The following FBXL7 variants were observed in gnomAD, a reference collection of about 807,000 sequenced individuals.
FBXL7 encodes F-box/LRR-repeat protein 7.
Under a neutral mutation model 38.3 loss-of-function variants are expected in FBXL7, and 12 were observed. The observed-to-expected ratio is 0.31, with a 90% confidence interval of 0.20 to 0.51. The LOEUF (loss-of-function observed/expected upper bound fraction) is 0.51. FBXL7 is among the 20% of genes least tolerant of loss of function. The pLI, the probability that FBXL7 is intolerant of heterozygous loss-of-function variation, is 0.98. For synonymous variants in FBXL7, 297 were observed against 300.9 expected, an observed-to-expected ratio of 0.99 and a Z score of 0.13; for missense variants, 567 against 676.4, an observed-to-expected ratio of 0.84 and a Z score of 1.79.
At chr5:15,672,820 G>T (rs954133417) in intron 2 of FBXL7, among the ~76,000 whole-genome samples, 3 of 152,048 alleles carry the variant, frequency 2.0e-5, no homozygotes, top group Non-Finnish European at 4.4e-5. Flanking sequence ...CTCCCAAAGT[G>T]CTGGGATTAC....
At chr5:15,552,326 C>T (rs1387590512) in intron 1 of FBXL7, among the ~76,000 whole-genome samples, 1 of 152,212 alleles carries the variant, frequency 6.6e-6, no homozygotes, top group Non-Finnish European at 1.5e-5. Context: ...TCATACTCCT[C>T]TGTGCCAGTC....
At chr5:15,520,983 A>G (rs1051221021) in intron 1 of FBXL7, among the ~76,000 whole-genome samples, 4 of 152,214 alleles carry the variant, frequency 2.6e-5, no homozygotes, top group African/African-American at 9.6e-5. Context: ...AAGCCCAGGT[A>G]CCGAAGGCAT....
At chr5:15,613,722 C>T (rs892197337) in intron 1 of FBXL7, among the ~76,000 whole-genome samples, 2 of 152,172 alleles carry the variant, frequency 1.3e-5, no homozygotes, top group Non-Finnish European at 2.9e-5. Context: ...AGGAGTTCTA[C>T]TCTGTATGAA....
intron 2 of FBXL7, among the ~76,000 whole-genome samples, chr5:15,883,273 A>G (rs758466533): frequency 2.0e-5 from 3 of 152,176 alleles, no homozygotes; most frequent in Non-Finnish European, 4.4e-5. Flanking sequence ...AAGAATGTAC[A>G]TTTATCTTTG....
At chr5:15,740,748 A>G (rs866417151) in intron 2 of FBXL7, among the ~76,000 whole-genome samples, 1 of 152,244 alleles carries the variant, frequency 6.6e-6, no homozygotes, top group Non-Finnish European at 1.5e-5. Flanking sequence ...GAATAAAACC[A>G]ATAGAGAAGA....
chr5:15,699,188 T>G (rs1489271543), intron 2 of FBXL7, among the ~76,000 whole-genome samples: 1 of 151,964 alleles, frequency 6.6e-6, no homozygotes. Context: ...AATTGGGGGG[T>G]ATGTTCATTT....
intron 2 of FBXL7, among the ~76,000 whole-genome samples, chr5:15,750,095 A>G (rs1040164208): frequency 2.0e-5 from 3 of 152,234 alleles, no homozygotes; most frequent in Non-Finnish European, 2.9e-5. Flanking sequence ...CTGAAGAAAC[A>G]TAAGAGCCTT....
chr5:15,930,425 C>G (rs1328503586), intron 3 of FBXL7, among the ~76,000 whole-genome samples: 2 of 152,098 alleles, frequency 1.3e-5, no homozygotes, highest in Non-Finnish European at 2.9e-5. Context: ...TTTGGAATCC[C>G]TATCTTTGTA....
chr5:15,566,998 T>G lies in FBXL7; in HGVS notation c.38-48985T>G, dbSNP rs1410778153. 2.0e-5 allele frequency among the ~76,000 whole-genome samples: 3 copies of G among 152,138 alleles called. No homozygotes were observed. The East Asian group carries it at 5.8e-4, about 29-fold the overall frequency. The stretch of plus-strand genomic sequence containing the variant: ...GGATCTGAGAGAACAATCACTTTTG[T>G]CAAAGGGATGTGCATCTACTACTGC... On this transcript the variant is annotated intron_variant, in intron 1 of 3. Transcript: ENST00000504595.
intron 2 of FBXL7, among the ~76,000 whole-genome samples, chr5:15,850,323 G>A (rs368154765): frequency 7.2e-5 from 11 of 152,152 alleles, no homozygotes; most frequent in South Asian, 4.1e-4. Flanking sequence ...TTTTGTAGAC[G>A]TTATTGTACA....
At chr5:15,809,658 A>G (rs1045982151) in intron 2 of FBXL7, among the ~76,000 whole-genome samples, 4 of 152,174 alleles carry the variant, frequency 2.6e-5, no homozygotes, top group African/African-American at 9.7e-5. Flanking sequence ...TTAAAGAAAA[A>G]AAAAAGCTTT....
chr5:15,596,883 C>T (rs1457281079), intron 1 of FBXL7, among the ~76,000 whole-genome samples: 1 of 152,220 alleles, frequency 6.6e-6, no homozygotes, highest in East Asian at 1.9e-4. Context: ...ATACCTCGCC[C>T]TGTGCATCTC....
chr5:15,931,603 A>G (rs1043936578), intron 3 of FBXL7, among the ~76,000 whole-genome samples: 2 of 152,178 alleles, frequency 1.3e-5, no homozygotes, highest in Admixed American at 1.3e-4. Flanking sequence ...ATTGCTCCCT[A>G]TGACCTACAG....
At chr5:15,697,954 G>A (rs559670330) in intron 2 of FBXL7, among the ~76,000 whole-genome samples, 10 of 152,310 alleles carry the variant, frequency 6.6e-5, no homozygotes, top group East Asian at 1.9e-4. Context: ...TATTCCTAGT[G>A]AGACCCACCT....
chr5:15,929,544 A>AGCC (rs1741982943), intron 3 of FBXL7, among the ~76,000 whole-genome samples: 1 of 150,790 alleles, frequency 6.6e-6, no homozygotes, highest in Non-Finnish European at 1.5e-5. Flanking sequence ...GGATTGCTTG[A>AGCC]GCCCAGGAGT....
intron 2 of FBXL7, among the ~76,000 whole-genome samples, chr5:15,851,311 A>T (rs1445782498): frequency 1.3e-5 from 2 of 152,104 alleles, no homozygotes; most frequent in Non-Finnish European, 2.9e-5. Context: ...CTGTGTGCAA[A>T]ATGAAGTGCA....
chr5:15,523,412 A>G (rs1471768576), intron 1 of FBXL7, among the ~76,000 whole-genome samples: 1 of 152,068 alleles, frequency 6.6e-6, no homozygotes, highest in African/African-American at 2.4e-5. Context: ...CAAAAAAATT[A>G]GCTGGGTGTG....
In FBXL7 at chr5:15,892,913, C is replaced by G. The variant is rs535714312; in HGVS notation, c.128-34977C>G. On this transcript the variant is annotated intron_variant, in intron 2 of 3. Transcript: ENST00000504595. ...GGGGCGGATCACGAGGTCAGGAGAT[C>G]GAGACCATCCTGGCTAACAGGGTGA... Among the ~76,000 whole-genome samples the G allele has an allele frequency of 2.3e-3, 350 of 152,134 alleles. 1 individual carries two copies. The highest frequency in any genetic ancestry group is 4.8e-3 in the Admixed American group (73 of 15,282).
rs369421425 is a variant in FBXL7, at chr5:15,830,793, A to G, written c.128-97097A>G. 5.3e-5 allele frequency among the ~76,000 whole-genome samples: 8 copies of G among 152,222 alleles called. No homozygotes were observed. In the South Asian group the frequency reaches 1.2e-3, roughly 24 times the overall value. ...CTCCCTATTGACTGTGCCCAAAGGGAGAGAAGATGGTGGAGGGGAGTGGGG... is the reference window on the plus strand; with the variant it reads ...CTCCCTATTGACTGTGCCCAAAGGGGGAGAAGATGGTGGAGGGGAGTGGGG... On this transcript the variant is annotated intron_variant, in intron 2 of 3. Transcript: ENST00000504595.
Sources: allele counts gnomAD v4.1 joint callset (sites outside exome capture counted in the v4.1 genomes callset), GRCh38; gene constraint gnomAD v4.1.1; transcripts MANE v1.5; gene names NCBI Gene and HGNC (gene_info 2026-07-23, HGNC 2026-07-21).